Variants in SLC14A2 observed in about 807,000 individuals in gnomAD.
The protein encoded by SLC14A2 is urea transporter 2.
A neutral mutation model predicts 104.6 loss-of-function variants in SLC14A2; 91 were observed. The observed-to-expected ratio is 0.87, with a 90% CI of 0.73 to 1.04. SLC14A2 has a LOEUF of 1.04. Ranked by LOEUF, SLC14A2 falls within the 50% of genes least tolerant of loss-of-function variation. The probability of loss-of-function intolerance (pLI) is 0.00; values close to 1 mark genes in which losing one functional copy is unlikely to be tolerated. For synonymous variants in SLC14A2, 476 were observed against 466.4 expected, an observed-to-expected ratio of 1.02 and a Z score of -0.27; for missense variants, 1,189 against 1,156.0, an observed-to-expected ratio of 1.03 and a Z score of -0.41.
chr18:45,357,237 A>ATTTTTTT (rs56321113), intron 1 of SLC14A2, among the ~76,000 whole-genome samples: 1 of 126,476 alleles, frequency 7.9e-6, no homozygotes, highest in African/African-American at 3.2e-5. Context: ...TTGGGACACA[A>ATTTTTTT]TTTTTTTTTT....
chr18:45,544,461 A>G (rs917454944), intron 2 of SLC14A2, among the ~76,000 whole-genome samples: 1 of 152,134 alleles, frequency 6.6e-6, no homozygotes, highest in Non-Finnish European at 1.5e-5. Flanking sequence ...TTTGTTCCTG[A>G]TGTTGTCTTG....
At chr18:45,408,539 G>A (rs1220078030) in intron 1 of SLC14A2, among the ~76,000 whole-genome samples, 1 of 152,116 alleles carries the variant, frequency 6.6e-6, no homozygotes, top group Non-Finnish European at 1.5e-5. Flanking sequence ...TCCAGCCTGG[G>A]ATCTCCAAGA....
chr18:45,446,899 C>A (rs1027723686), intron 1 of SLC14A2, among the ~76,000 whole-genome samples: 2 of 152,128 alleles, frequency 1.3e-5, no homozygotes, highest in Non-Finnish European at 2.9e-5. Flanking sequence ...TTTCATGAGC[C>A]CTCGGCTTCC....
At chr18:45,665,937 G>A (rs2046015079) in intron 11 of SLC14A2, among the ~76,000 whole-genome samples, 200 bp from the exon 12 acceptor site, 1 of 151,890 alleles carries the variant, frequency 6.6e-6, no homozygotes, top group African/African-American at 2.4e-5. Context: ...TTTCCCCAAA[G>A]CGAGGGCCCA....
the SLC14A2 span, among the ~76,000 whole-genome samples, chr18:45,190,590 G>T: frequency 3.2e-4 from 48 of 152,094 alleles, no homozygotes; most frequent in African/African-American, 1.1e-3. Context: ...AAACCAAATT[G>T]GTCAACTGGT....
At chr18:45,631,425 C>T (rs924584776) in intron 4 of SLC14A2, among the ~76,000 whole-genome samples, 3 of 152,196 alleles carry the variant, frequency 2.0e-5, no homozygotes, top group African/African-American at 7.2e-5. Flanking sequence ...GTGTTTATTA[C>T]GATCAGGAGG....
At chr18:45,203,064 A>G in the SLC14A2 span, among the ~76,000 whole-genome samples, 2 of 152,208 alleles carry the variant, frequency 1.3e-5, no homozygotes, top group South Asian at 2.1e-4. Context: ...TGGCAAAATA[A>G]TCAGGTCCTC....
chr18:45,595,288 G>A (rs2044705539), intron 2 of SLC14A2, among the ~76,000 whole-genome samples: 1 of 150,812 alleles, frequency 6.6e-6, no homozygotes, highest in Non-Finnish European at 1.5e-5. Flanking sequence ...ATCTCTGTGA[G>A]GAATTAATGA....
chr18:45,261,871 T>G (rs1008910933), intron 1 of SLC14A2, among the ~76,000 whole-genome samples: 2 of 152,244 alleles, frequency 1.3e-5, no homozygotes, highest in South Asian at 4.1e-4. Context: ...TAAACGTACA[T>G]GTGCATGTGT....
intron 2 of SLC14A2, among the ~76,000 whole-genome samples, chr18:45,491,514 AC>A (rs1439790633): frequency 3.3e-5 from 5 of 152,236 alleles, no homozygotes; most frequent in African/African-American, 1.2e-4. Context: ...GTGCGATAGT[AC>A]CTATAGTGTT....
intron 1 of SLC14A2, among the ~76,000 whole-genome samples, chr18:45,475,642 GATATATATAT>G (rs137928157): frequency 0.069 from 3,349 of 48,782 alleles, 103 homozygotes; most frequent in African/African-American, 0.095. Context: ...ATATATTTAG[GATATATATAT>G]ATATATATAT....
chr18:45,408,303 G>A (rs536829269), intron 1 of SLC14A2, among the ~76,000 whole-genome samples: 1 of 152,226 alleles, frequency 6.6e-6, no homozygotes, highest in Non-Finnish European at 1.5e-5. Flanking sequence ...TATTATATTT[G>A]CTATCCCCTA....
At chr18:45,444,096 G>C (rs966366862) in intron 1 of SLC14A2, among the ~76,000 whole-genome samples, 13 of 152,178 alleles carry the variant, frequency 8.5e-5, no homozygotes, top group African/African-American at 3.1e-4. Flanking sequence ...CATAAAGAAA[G>C]TTTGGATCCT....
intron 2 of SLC14A2, among the ~76,000 whole-genome samples, chr18:45,601,002 G>A (rs2044782801): frequency 6.6e-6 from 1 of 152,142 alleles, no homozygotes; most frequent in Non-Finnish European, 1.5e-5. Flanking sequence ...ATGCAGTGAA[G>A]TAGGATAGGA....
At chr18:45,371,871 C>A (rs1205882772) in intron 1 of SLC14A2, among the ~76,000 whole-genome samples, 1 of 152,044 alleles carries the variant, frequency 6.6e-6, no homozygotes, top group African/African-American at 2.4e-5. Flanking sequence ...GTATGTGTAC[C>A]AGGATAAGGT....
At chr18:45,591,937 C>T (rs1245494614) in intron 2 of SLC14A2, among the ~76,000 whole-genome samples, 1 of 152,198 alleles carries the variant, frequency 6.6e-6, no homozygotes, top group Non-Finnish European at 1.5e-5. Context: ...GGGAAGCATG[C>T]AGAGTTTTTG....
chr18:45,372,999 C>T (rs2085738734), intron 1 of SLC14A2, among the ~76,000 whole-genome samples: 1 of 152,146 alleles, frequency 6.6e-6, no homozygotes, highest in South Asian at 2.1e-4. Flanking sequence ...TTCGAATGCT[C>T]AATAGCCACA....
At chr18:45,234,365 G>T (rs1452738409) in intron 1 of SLC14A2, among the ~76,000 whole-genome samples, 1 of 152,200 alleles carries the variant, frequency 6.6e-6, no homozygotes, top group Non-Finnish European at 1.5e-5. Flanking sequence ...CCATTCCAGT[G>T]TATTTACCTA....
chr18:45,502,779 T>C (rs1424377474), intron 2 of SLC14A2, among the ~76,000 whole-genome samples: 1 of 152,066 alleles, frequency 6.6e-6, no homozygotes, highest in Admixed American at 6.5e-5. Flanking sequence ...ATAAGTTAAC[T>C]GACACATTCA....
Sources: allele counts gnomAD v4.1 joint callset (sites outside exome capture counted in the v4.1 genomes callset), GRCh38; gene constraint gnomAD v4.1.1; transcripts MANE v1.5; gene names NCBI Gene and HGNC (gene_info 2026-07-23, HGNC 2026-07-21).